The following IGF1R variants were observed in gnomAD, a reference collection of about 807,000 sequenced individuals.
IGF1R encodes insulin like growth factor 1 receptor.
A neutral mutation model predicts 144.6 loss-of-function variants in IGF1R; 44 were observed. The ratio of observed to expected loss-of-function variants is 0.30; its 90% CI spans 0.24 to 0.39. The LOEUF is 0.39. Among genes scored for constraint, IGF1R ranks in the 10% least tolerant of loss-of-function variants. The pLI is 1.00. For synonymous variants in IGF1R, 795 were observed against 722.8 expected (o/e 1.10, Z -1.60); for missense variants, 1,355 against 1,833.7 (o/e 0.74, Z 4.77).
At chr15:98,922,554 A>T in intron 11 of IGF1R, 123 bp downstream of exon 11, 1 of 1,170,752 alleles carries the variant, frequency 8.5e-7, no homozygotes, top group Non-Finnish European at 1.2e-6. Flanking sequence ...CTGCCTGCTA[A>T]ATAACGTGCA....
chr15:98,843,732 A>G (rs1356883541), intron 2 of IGF1R, among the ~76,000 whole-genome samples: 1 of 152,188 alleles, frequency 6.6e-6, no homozygotes, highest in Non-Finnish European at 1.5e-5. Context: ...ACCGCTGGTT[A>G]TAGGTCTTCA....
chr15:98,872,651 T>C (rs1380966008), intron 2 of IGF1R, among the ~76,000 whole-genome samples: 1 of 152,220 alleles, frequency 6.6e-6, no homozygotes, highest in Non-Finnish European at 1.5e-5. Flanking sequence ...ATGTGTATAC[T>C]GAGGAAAACA....
chr15:98,947,291 T>C (rs1433539040), intron 19 of IGF1R, among the ~76,000 whole-genome samples: 2 of 152,264 alleles, frequency 1.3e-5, no homozygotes, highest in Middle Eastern at 3.2e-3. Context: ...AAATCTTTGA[T>C]TCACCGAAAG....
In IGF1R at chr15:98,958,893, G is replaced by A; in HGVS notation, c.*1451G>A. On this transcript the variant is annotated 3_prime_UTR_variant, in exon 21 of 21. Transcript: ENST00000650285. ...CATAATTTGCCATGAACTGTTGGAT[G>A]CCTTTTTATAAATACATCCCCCATC... 1 of 233,460 alleles carries A rather than the reference G, an allele frequency of 4.3e-6. No individual in the cohort carries two copies. The highest frequency in any genetic ancestry group is 8.5e-6 in the Non-Finnish European group (1 of 117,982). The allele number at this position is 233,460 out of a possible 1,614,324, so 14.5% of individuals were successfully genotyped here.
intron 20 of IGF1R, among the ~76,000 whole-genome samples, chr15:98,948,974 G>A (rs917618334): frequency 6.6e-6 from 1 of 152,216 alleles, no homozygotes; most frequent in Non-Finnish European, 1.5e-5. Flanking sequence ...CAGGCCAAAT[G>A]TCTCTGTGAA....
At chr15:98,922,484 G>A in intron 11 of IGF1R, 53 bp downstream of exon 11, 1 of 1,591,822 alleles carries the variant, frequency 6.3e-7, no homozygotes, top group Non-Finnish European at 8.5e-7. Context: ...ACCTAGTGGA[G>A]AAGATGTGTT....
At chr15:98,876,542 C>A (rs570215337) in intron 2 of IGF1R, among the ~76,000 whole-genome samples, 19 of 152,242 alleles carry the variant, frequency 1.2e-4, no homozygotes, top group African/African-American at 4.6e-4. Context: ...CTACCACCCA[C>A]AAAAATAAAA....
chr15:98,818,119 C>T (rs532525142), intron 2 of IGF1R, among the ~76,000 whole-genome samples: 80 of 152,162 alleles, frequency 5.3e-4, no homozygotes, highest in Non-Finnish European at 9.6e-4. Flanking sequence ...ACCCTTATGA[C>T]CTCATTTGAT....
At chr15:98,816,398 G>T (rs2056696894) in intron 2 of IGF1R, among the ~76,000 whole-genome samples, 1 of 152,198 alleles carries the variant, frequency 6.6e-6, no homozygotes, top group Non-Finnish European at 1.5e-5. Flanking sequence ...TTTTCAGGGA[G>T]CCAGTAATTC....
At chr15:98,817,428 A>T (rs921117863) in intron 2 of IGF1R, among the ~76,000 whole-genome samples, 1 of 152,116 alleles carries the variant, frequency 6.6e-6, no homozygotes, top group African/African-American at 2.4e-5. Flanking sequence ...AACACAAAAC[A>T]GTACTGTCAT....
At chr15:98,683,612 T>C (rs2053245646) in intron 1 of IGF1R, among the ~76,000 whole-genome samples, 1 of 152,228 alleles carries the variant, frequency 6.6e-6, no homozygotes, top group Admixed American at 6.5e-5. Context: ...TTTCAGATGT[T>C]AGAGATGTTA....
chr15:98,720,955 A>G (rs2054232666), intron 2 of IGF1R, among the ~76,000 whole-genome samples: 1 of 152,148 alleles, frequency 6.6e-6, no homozygotes. Context: ...ATGCTGCTGA[A>G]ATGCTGGGGA....
At chr15:98,943,154 C>T (rs1032762505) in intron 19 of IGF1R, 102 bp downstream of exon 19, 39 of 1,379,188 alleles carry the variant, frequency 2.8e-5, no homozygotes, top group African/African-American at 1.1e-4. Flanking sequence ...CATTGTTACC[C>T]GTTGCCAGCT....
At chr15:98,814,926 A>G (rs941361096) in intron 2 of IGF1R, among the ~76,000 whole-genome samples, 3 of 152,248 alleles carry the variant, frequency 2.0e-5, no homozygotes, top group Non-Finnish European at 2.9e-5. Flanking sequence ...TCTGAAAGGA[A>G]ACTTAATACT....
chr15:98,765,726 A>G (rs2141361679), intron 2 of IGF1R, among the ~76,000 whole-genome samples: 1 of 152,252 alleles, frequency 6.6e-6, no homozygotes, highest in Non-Finnish European at 1.5e-5. Flanking sequence ...AGCTGATCTT[A>G]TGTTTCATTT....
At chr15:98,823,101 G>C (rs989150355) in intron 2 of IGF1R, among the ~76,000 whole-genome samples, 2 of 152,144 alleles carry the variant, frequency 1.3e-5, no homozygotes, top group African/African-American at 4.8e-5. Flanking sequence ...ACACCATTGT[G>C]GTGTTGATTG....
At chr15:98,728,007 GTTTTTTTT>G (rs10680958) in intron 2 of IGF1R, among the ~76,000 whole-genome samples, 5 of 108,756 alleles carry the variant, frequency 4.6e-5, no homozygotes, top group South Asian at 6.5e-4. Context: ...AAGATGCATT[GTTTTTTTT>G]TTTTTTTTTT....
At chr15:98,949,233 T>C (rs2016677905) in intron 20 of IGF1R, among the ~76,000 whole-genome samples, 2 of 152,198 alleles carry the variant, frequency 1.3e-5, no homozygotes, top group African/African-American at 4.8e-5. Context: ...TCTTCTCTGT[T>C]AAGTGTTTAC....
chr15:98,820,847 A>AC (rs1392618277), intron 2 of IGF1R: 4 of 152,202 alleles, frequency 2.6e-5, no homozygotes, highest in African/African-American at 9.7e-5. Context: ...GAATTACGGA[A>AC]CACCTCTCTT....
Sources: gnomAD v4.1 joint callset for allele counts (sites outside exome capture counted in the v4.1 genomes callset) on GRCh38, gnomAD v4.1.1 for gene constraint, MANE v1.5 for transcripts, NCBI Gene and HGNC (gene_info 2026-07-23, HGNC 2026-07-21) for gene names.